Variants in REXO2 observed in about 807,000 individuals in gnomAD.
The protein encoded by REXO2 is RNA exonuclease 2.
REXO2 carries 17 observed loss-of-function variants against 30.9 expected under a neutral mutation model. The observed-to-expected ratio is 0.55, with a 90% CI of 0.38 to 0.82. The LOEUF (loss-of-function observed/expected upper bound fraction) is 0.82, where lower values mean the gene tolerates loss of function less well. Among genes scored for constraint, REXO2 ranks in the 40% least tolerant of loss-of-function variants. The pLI, the probability that REXO2 is intolerant of heterozygous loss-of-function variation, is 0.00. For synonymous variants in REXO2, 105 were observed against 99.6 expected, an observed-to-expected ratio of 1.05 and a Z score of -0.32; for missense variants, 253 against 293.2, an observed-to-expected ratio of 0.86 and a Z score of 1.00.
rs1249226840 is a variant in REXO2 at position 114,449,917 on chromosome 11, T to C, written c.656T>C (p.Ile219Thr). 6 of 1,608,646 alleles carry C rather than the reference T, an allele frequency of 3.7e-6. No homozygotes were observed. Among genetic ancestry groups the C allele is most frequent in the South Asian group, 1.1e-5 (1 of 90,162 alleles). ...CGAAATAACATCTTCAAGAAAAAAA[T>C]AGATGAAAAGAAGAGGAAAATTATA... is the stretch of plus-strand genomic sequence containing the variant. ...FYRNNIFKKK[I>T]DEKKRKIIEN... The change falls in exon 7 of 7, where the codon ATA (isoleucine) becomes ACA (threonine). Residue 219 changes from isoleucine (I) to threonine (T), a missense_variant. Transcript: ENST00000265881.
At chr11:114,446,276 C>A in intron 5 of REXO2, 189 bp downstream of exon 5, 1 of 393,842 alleles carries the variant, frequency 2.5e-6, no homozygotes, top group East Asian at 3.7e-5. Flanking sequence ...GCAACAACGT[C>A]AGACATGTTC....
chr11:114,447,900 GC>G, intron 6 of REXO2, 21 bp downstream of exon 6: 1 of 1,605,970 alleles, frequency 6.2e-7, no homozygotes, highest in East Asian at 2.2e-5. Flanking sequence ...GTTCTACCAA[GC>G]GTTTTCCAGT....
Position 114,446,031 on chromosome 11 carries a change from C to A in REXO2, c.474C>A (p.Phe158Leu), listed in dbSNP as rs758546539. Residue 158 changes from phenylalanine to leucine, a missense_variant, in exon 5 of 7, where the codon TTC becomes TTA. Transcript: ENST00000265881. ...TTCTTGACAAATACATGCCCCAGTT[C>A]ATGAAACATCTTCATTATAGAATAA... is the stretch of plus-strand genomic sequence containing the variant. ...KKFLDKYMPQ[F>L]MKHLHYRIID... 28 of 1,609,838 alleles carry A rather than the reference C, an allele frequency of 1.7e-5. No individual in the cohort carries two copies. The highest frequency in any genetic ancestry group is 2.4e-5 in the Non-Finnish European group (28 of 1,177,288).
At chr11:114,444,956 T>C (rs1418584180) in intron 4 of REXO2, among the ~76,000 whole-genome samples, 1 of 152,230 alleles carries the variant, frequency 6.6e-6, no homozygotes, top group Non-Finnish European at 1.5e-5. Flanking sequence ...GTTAACCTTG[T>C]GTCGTATTTG....
At chr11:114,443,995 C>T (rs780264645) in intron 3 of REXO2, 62 bp downstream of exon 3, 6 of 1,110,934 alleles carry the variant, frequency 5.4e-6, no homozygotes, top group South Asian at 1.3e-5. Context: ...TTTGCTCCCA[C>T]ACCTGAATCC....
In REXO2 at chr11:114,449,924, A is replaced by G; in HGVS notation, c.663A>G (p.Glu221=). 1 of 1,609,448 alleles carries G rather than the reference A, an allele frequency of 6.2e-7. No homozygotes were observed. Among genetic ancestry groups the G allele is most frequent in the South Asian group, 1.1e-5 (1 of 90,182 alleles). The change falls in exon 7 of 7, where the codon GAA becomes GAG. Residue 221 remains glutamate (E), a synonymous_variant. Transcript: ENST00000265881. ...ACATCTTCAAGAAAAAAATAGATGA[A>G]AAGAAGAGGAAAATTATAGAAAATG... ...RNNIFKKKID[E]KKRKIIENGE...
chr11:114,450,073 C>T lies in REXO2; in HGVS notation c.*98C>T. 2 of 1,216,308 alleles carry T rather than the reference C, an allele frequency of 1.6e-6. 1 individual carries two copies. Among genetic ancestry groups the T allele is most frequent in the Non-Finnish European group, 2.3e-6 (2 of 871,712 alleles). 75.3% of individuals were successfully genotyped at this position (1,216,308 alleles called of 1,614,324 possible). ...GGCTTGGCAGAGCACCTTCGGTTAA[C>T]TTGCATCTCCAGATTGATTACTCAA... On this transcript the variant is annotated 3_prime_UTR_variant, in exon 7 of 7. Transcript: ENST00000265881.
At position 114,439,808 on chromosome 11, in the gene REXO2, G is replaced by A. The variant is rs555119064; in HGVS notation, c.147+133G>A. ...GGCAGGTGAGCGCGGCCGGCCACGG[G>A]CGGTGCAGGGCAAGTCCGGAGGCAG... On this transcript the variant is annotated intron_variant, in intron 1 of 6. Transcript: ENST00000265881. 29 of 1,091,738 alleles carry A rather than the reference G, an allele frequency of 2.7e-5. No individual in the cohort carries two copies. In the South Asian group the frequency reaches 3.0e-4, roughly 11 times the overall value. 67.6% of individuals were successfully genotyped at this position (1,091,738 alleles called of 1,614,324 possible). A position where few individuals can be genotyped will look rare whatever the true frequency, so the allele number is the denominator to read the frequency against.
intron 2 of REXO2, 134 bp from the exon 3 acceptor site, chr11:114,443,722 G>C: frequency 1.6e-6 from 1 of 624,878 alleles, no homozygotes; most frequent in Non-Finnish European, 2.8e-6. Flanking sequence ...AATGAAGGGG[G>C]AACACTTAAA....
chr11:114,446,196 T>C, intron 5 of REXO2, 109 bp downstream of exon 5: 1 of 616,474 alleles, frequency 1.6e-6, no homozygotes, highest in Non-Finnish European at 2.8e-6. Context: ...ACCAAGTGGG[T>C]TCATATCTTC....
Position 114,447,808 on chromosome 11 carries a change from C to A in REXO2, c.531-18C>A. ...TTGAGACAGCTTCCTTTGAGAGTTCCATTTCTGCTGTGTATAGACGCTGGT... is the reference window on the plus strand; with the variant it reads ...TTGAGACAGCTTCCTTTGAGAGTTCAATTTCTGCTGTGTATAGACGCTGGT... On this transcript the variant is annotated intron_variant, in intron 5 of 6. Transcript: ENST00000265881. The A allele has an allele frequency of 1.9e-6, 3 of 1,604,038 alleles. No homozygotes were observed. Among genetic ancestry groups the A allele is most frequent in the South Asian group, 2.2e-5 (2 of 89,498 alleles).
chr11:114,450,013 G>C lies in REXO2; in HGVS notation c.*38G>C. ...TGCTGCCACTACATCGTTATCTGGA[G>C]GCAACTTCTGGTGGTTTTTTTTTCT... On this transcript the variant is annotated 3_prime_UTR_variant, in exon 7 of 7. Transcript: ENST00000265881. 1.3e-6 allele frequency: 2 copies of C among 1,548,324 alleles called. No individual in the cohort carries two copies. Among genetic ancestry groups the C allele is most frequent in the Non-Finnish European group, 1.7e-6 (2 of 1,151,056 alleles).
chr11:114,440,564 C>T, intron 1 of REXO2, 92 bp from the exon 2 acceptor site: 1 of 936,214 alleles, frequency 1.1e-6, no homozygotes, highest in Non-Finnish European at 1.7e-6. Flanking sequence ...TACAAGCTGA[C>T]TATGTTTGAG....
At chr11:114,449,164 T>G (rs928197627) in intron 6 of REXO2, 1 of 152,252 alleles carries the variant, frequency 6.6e-6, no homozygotes, top group Non-Finnish European at 1.5e-5. Context: ...GAAAGGCTCT[T>G]AGATGGAGGC....
Position 114,444,659 on chromosome 11 carries a change from T to C in REXO2, c.421+7T>C, listed in dbSNP as rs753953764. The C allele has an allele frequency of 6.5e-7, 1 of 1,547,704 alleles. No individual in the cohort carries two copies. The highest frequency in any genetic ancestry group is 1.2e-5 in the South Asian group (1 of 82,746). Reference sequence around the variant, plus strand: ...GGGCTCTGTCCACTTGCAGGTAAAATCCAATCCTGTGTATATCTTATAGTC... The same window carrying C: ...GGGCTCTGTCCACTTGCAGGTAAAACCCAATCCTGTGTATATCTTATAGTC... On this transcript the variant is annotated splice_region_variant and intron_variant, in intron 4 of 6. Transcript: ENST00000265881.
chr11:114,449,824 A>G, intron 6 of REXO2, 22 bp from the exon 7 acceptor site: 3 of 1,597,998 alleles, frequency 1.9e-6, no homozygotes, highest in Non-Finnish European at 1.7e-6. Context: ...CAGTTCATTC[A>G]TTGTGGTATG....
chr11:114,445,836 C>T lies in REXO2; in HGVS notation c.422-143C>T, dbSNP rs539416175. 5.0e-6 allele frequency: 3 copies of T among 601,148 alleles called. No homozygotes were observed. In the African/African-American group the frequency reaches 5.6e-5, roughly 11 times the overall value. The allele number at this position is 601,148 out of a possible 1,614,324, so 37.2% of individuals were successfully genotyped here. A position where few individuals can be genotyped will look rare whatever the true frequency, so the allele number is the denominator to read the frequency against. ...GTAAGCTAATCACATTTACCCAAAC[C>T]TGATTTAGAAATATAGAGGTGCTTT... On this transcript the variant is annotated intron_variant, in intron 4 of 6. Coordinates refer to ENST00000265881, the MANE Select transcript of REXO2 (RefSeq NM_015523.4).
Position 114,450,082 on chromosome 11 carries a change from CCAG to C in REXO2, c.*108_*110del. On this transcript the variant is annotated 3_prime_UTR_variant, in exon 7 of 7. Transcript: ENST00000265881. ...GAGCACCTTCGGTTAACTTGCATCTCCAGATTGATTACTCAAGCAGACAGCACA... is the reference window on the plus strand; with the variant it reads ...GAGCACCTTCGGTTAACTTGCATCTCATTGATTACTCAAGCAGACAGCACA... 1 of 1,127,488 alleles carries C rather than the reference CCAG, an allele frequency of 8.9e-7. No homozygotes were observed. 69.8% of individuals were successfully genotyped at this position (1,127,488 alleles called of 1,614,324 possible). A position where few individuals can be genotyped will look rare whatever the true frequency, so the allele number is the denominator to read the frequency against.
chr11:114,447,734 C>T, intron 5 of REXO2, 92 bp from the exon 6 acceptor site: 1 of 1,057,640 alleles, frequency 9.5e-7, no homozygotes, highest in Non-Finnish European at 1.4e-6. Context: ...ACTCAAATGC[C>T]ATTTTCAATG....
Sources: allele counts gnomAD v4.1 joint callset (sites outside exome capture counted in the v4.1 genomes callset), GRCh38; gene constraint gnomAD v4.1.1; transcripts MANE v1.5; gene names NCBI Gene and HGNC (gene_info 2026-07-23, HGNC 2026-07-21).